Variants in PCDHGA1 observed in about 807,000 individuals in gnomAD.
PCDHGA1 encodes the protein protocadherin gamma-A1.
PCDHGA1 carries 32 observed loss-of-function variants against 58.0 expected under a neutral mutation model. The ratio of observed to expected loss-of-function variants is 0.55; its 90% CI spans 0.42 to 0.74. The LOEUF is 0.74. Ranked by LOEUF, PCDHGA1 falls within the 30% of genes least tolerant of loss-of-function variation. The pLI is 0.00. For synonymous variants in PCDHGA1, 498 were observed against 501.1 expected, an observed-to-expected ratio of 0.99 and a Z score of 0.08; for missense variants, 1,205 against 1,182.3, an observed-to-expected ratio of 1.02 and a Z score of -0.28.
chr5:141,417,776 C>T (rs2096161387), intron 1 of PCDHGA1: 1 of 1,469,712 alleles, frequency 6.8e-7, no homozygotes, highest in South Asian at 1.4e-5. Context: ...CTCCTCCTGT[C>T]CTGGGCCGAA....
chr5:141,412,209 T>G (rs917646798), intron 1 of PCDHGA1: 2 of 152,248 alleles, frequency 1.3e-5, no homozygotes. Flanking sequence ...TCATTTGACA[T>G]AAACACTTAC....
At chr5:141,339,876 C>G in intron 1 of PCDHGA1, 1 of 1,614,118 alleles carries the variant, frequency 6.2e-7, no homozygotes, top group Non-Finnish European at 8.5e-7. Flanking sequence ...GGAGAACTGA[C>G]AATCATAAAA....
Position 141,485,548 on chromosome 5 carries a change from T to C in PCDHGA1, c.2422-9259T>C, listed in dbSNP as rs749739126. ...ACCGAGCAGAGGTAGAGATCGTAGA[T>C]GTGAATGATCACGCCCCCCGTTTTC... On this transcript the variant is annotated intron_variant, in intron 1 of 3. Transcript: ENST00000517417. This position sits in a 1 kb window ranked among gnomAD's most constrained non-coding sequence, Gnocchi z 5.7. The C allele has an allele frequency of 3.1e-6, 5 of 1,614,040 alleles. No homozygotes were observed. The highest frequency in any genetic ancestry group is 3.4e-6 in the Non-Finnish European group (4 of 1,179,942).
chr5:141,470,742 G>T (rs2099238719), intron 1 of PCDHGA1, among the ~76,000 whole-genome samples: 1 of 152,066 alleles, frequency 6.6e-6, no homozygotes, highest in African/African-American at 2.4e-5. Flanking sequence ...CTGTCGCCCT[G>T]GCTGGAGTGC....
intron 1 of PCDHGA1, among the ~76,000 whole-genome samples, chr5:141,435,840 T>G (rs1408413470): frequency 6.6e-6 from 1 of 152,118 alleles, no homozygotes; most frequent in Non-Finnish European, 1.5e-5. Context: ...CCTATCTACT[T>G]TGAAAGATAC....
chr5:141,340,551 A>T, intron 1 of PCDHGA1: 6 of 1,614,210 alleles, frequency 3.7e-6, no homozygotes, highest in Non-Finnish European at 5.1e-6. Context: ...CAGTTGCGAG[A>T]CTTGCAAGTG....
chr5:141,451,414 A>G (rs934393544), intron 1 of PCDHGA1, among the ~76,000 whole-genome samples: 2 of 152,108 alleles, frequency 1.3e-5, no homozygotes, highest in African/African-American at 2.4e-5. Flanking sequence ...TTCCTTGTGG[A>G]TTGTTAGACT....
chr5:141,384,828 G>T (rs746957314), intron 1 of PCDHGA1: 2 of 1,613,488 alleles, frequency 1.2e-6, no homozygotes, highest in African/African-American at 1.3e-5. Flanking sequence ...AGAGCCTCGT[G>T]GTGGCCGTCC....
intron 1 of PCDHGA1, chr5:141,441,104 T>C (rs1158565054): frequency 6.6e-6 from 1 of 152,204 alleles, no homozygotes; most frequent in Non-Finnish European, 1.5e-5. Flanking sequence ...GAGGGACTCA[T>C]TGTCCAGTGT....
At chr5:141,374,759 G>A (rs761534482) in intron 1 of PCDHGA1, 1 of 1,613,112 alleles carries the variant, frequency 6.2e-7, no homozygotes, top group Non-Finnish European at 8.5e-7. Flanking sequence ...CTCAAGCGTC[G>A]CCCAAATTCT....
intron 1 of PCDHGA1, among the ~76,000 whole-genome samples, chr5:141,463,896 T>C (rs982611169): frequency 2.0e-5 from 3 of 152,192 alleles, no homozygotes; most frequent in African/African-American, 7.2e-5. Flanking sequence ...CCTTGCTTTT[T>C]GTACTAATAA....
At position 141,485,144 on chromosome 5, in the gene PCDHGA1, G is replaced by A; in HGVS notation, c.2422-9663G>A. 6.4e-7 allele frequency: 1 copy of A among 1,564,192 alleles called. No homozygotes were observed. The highest frequency in any genetic ancestry group is 1.7e-5 in the Admixed American group (1 of 59,326). On this transcript the variant is annotated intron_variant, in intron 1 of 3. Transcript: ENST00000517417. This position sits in a 1 kb window ranked among gnomAD's most constrained non-coding sequence, Gnocchi z 5.7. ...CGGGTCGGCTTCATCCGCGTCTCAG[G>A]AGCAAGTAGAGAATTAGCGGGCGGC...
intron 1 of PCDHGA1, chr5:141,399,551 T>C: frequency 6.2e-7 from 1 of 1,614,052 alleles, no homozygotes; most frequent in Non-Finnish European, 8.5e-7. Context: ...GCCTCGGACC[T>C]GGACTTGGGG....
intron 1 of PCDHGA1, chr5:141,377,955 G>GTTT (rs1774497186): frequency 6.6e-6 from 1 of 152,022 alleles, no homozygotes; most frequent in African/African-American, 2.4e-5. Context: ...GTGTATCCAG[G>GTTT]GCAACTTGAA....
chr5:141,509,900 C>T (rs2099878860), intron 3 of PCDHGA1, among the ~76,000 whole-genome samples: 1 of 152,186 alleles, frequency 6.6e-6, no homozygotes, highest in Admixed American at 6.5e-5. Context: ...CTGTCCCTTC[C>T]AGCATGCGCT....
At chr5:141,504,134 A>G (rs73280371) in intron 2 of PCDHGA1, among the ~76,000 whole-genome samples, 139 of 152,168 alleles carry the variant, frequency 9.1e-4, no homozygotes, top group African/African-American at 3.1e-3. Flanking sequence ...TCCCGCCAAC[A>G]CTCCCCTGCA....
chr5:141,331,450 C>A lies in PCDHGA1; in HGVS notation c.766C>A (p.Pro256Thr). Reference protein sequence around the residue: ...QYHINVPENVPLGTQLLMVNA... With the variant: ...QYHINVPENVTLGTQLLMVNA... ...CCATATAAATGTCCCCGAAAACGTG[C>A]CGCTGGGTACTCAGCTGCTCATGGT... is the stretch of plus-strand genomic sequence containing the variant. The change falls in exon 1 of 4, where the codon CCG (proline) becomes ACG (threonine). Residue 256 changes from proline (P) to threonine (T), a missense_variant. Transcript: ENST00000517417. 1 of 1,614,144 alleles carries A rather than the reference C, an allele frequency of 6.2e-7. No homozygotes were observed. Among genetic ancestry groups the A allele is most frequent in the South Asian group, 1.1e-5 (1 of 91,078 alleles).
intron 1 of PCDHGA1, chr5:141,360,964 A>G (rs771504785): frequency 1.2e-6 from 2 of 1,613,962 alleles, no homozygotes; most frequent in Non-Finnish European, 1.7e-6. Flanking sequence ...AAACGCAGAG[A>G]TCACCTACTC....
chr5:141,438,617 TATATATATATATATATATACAC>T (rs1342425883), intron 1 of PCDHGA1, among the ~76,000 whole-genome samples: 18 of 37,162 alleles, frequency 4.8e-4, no homozygotes, highest in Admixed American at 2.0e-3. Flanking sequence ...TATATATATA[TATATATATATATATATATACAC>T]ACACACACAC....
Sources: allele counts gnomAD v4.1 joint callset (sites outside exome capture counted in the v4.1 genomes callset), GRCh38; gene constraint gnomAD v4.1.1; non-coding constraint Gnocchi (gnomAD v3.1); transcripts MANE v1.5; gene names NCBI Gene and HGNC (gene_info 2026-07-23, HGNC 2026-07-21).